PCTP: variants seen among roughly 807,000 people sequenced by gnomAD.
PCTP encodes START domain-containing protein 2.
Under a neutral mutation model 31.0 loss-of-function variants are expected in PCTP, and 27 were observed. That is an observed-to-expected ratio of 0.87 (90% confidence interval 0.64 to 1.20). The LOEUF is 1.20. PCTP is among the 50% of genes most tolerant of loss of function. PCTP has a pLI of 0.00. For synonymous variants in PCTP, 108 were observed against 101.2 expected, an observed-to-expected ratio of 1.07 and a Z score of -0.40; for missense variants, 287 against 268.2, an observed-to-expected ratio of 1.07 and a Z score of -0.49.
At chr17:55,844,946 G>A (rs752149315), downstream of PCTP, among the ~76,000 whole-genome samples, 2 of 151,678 alleles carry the variant, frequency 1.3e-5, no homozygotes, top group Non-Finnish European at 2.9e-5. Context: ...AATTAGCCGG[G>A]CTTGGTGGCA....
intron 3 of PCTP, among the ~76,000 whole-genome samples, chr17:55,793,860 C>T (rs1912090083): frequency 6.6e-6 from 1 of 152,050 alleles, no homozygotes; most frequent in Admixed American, 6.6e-5. Flanking sequence ...AAAAATGTAG[C>T]CTTAGAAGTT....
chr17:55,798,478 A>G (rs1289209015), intron 3 of PCTP, among the ~76,000 whole-genome samples: 1 of 152,022 alleles, frequency 6.6e-6, no homozygotes. Flanking sequence ...TATGAAGGGC[A>G]ACCAAAGGAA....
At chr17:55,791,000 G>A (rs979085462) in intron 3 of PCTP, among the ~76,000 whole-genome samples, 24 of 151,658 alleles carry the variant, frequency 1.6e-4, no homozygotes, top group Admixed American at 1.1e-3. Context: ...AAATAACGCC[G>A]CATATCTACA....
intron 5 of PCTP, among the ~76,000 whole-genome samples, chr17:55,838,297 T>G (rs1464843913): frequency 2.0e-5 from 3 of 152,236 alleles, no homozygotes; most frequent in Non-Finnish European, 2.9e-5. Flanking sequence ...TCAGCCGCAT[T>G]CATCTCTGCT....
intron 3 of PCTP, among the ~76,000 whole-genome samples, chr17:55,806,826 G>A (rs1383313557): frequency 6.6e-6 from 1 of 152,102 alleles, no homozygotes; most frequent in Admixed American, 6.6e-5. Context: ...TACAGAACAG[G>A]AAAATGTTGT....
chr17:55,802,763 C>T (rs1282410183), intron 3 of PCTP, among the ~76,000 whole-genome samples: 2 of 152,146 alleles, frequency 1.3e-5, no homozygotes, highest in South Asian at 2.1e-4. Context: ...CAATATCATA[C>T]TGAATGGGCA....
chr17:55,842,381 T>A (rs1266511549), intron 5 of PCTP, among the ~76,000 whole-genome samples: 1 of 152,254 alleles, frequency 6.6e-6, no homozygotes, highest in East Asian at 1.9e-4. Context: ...TTCCATTGCC[T>A]TATTTTCACT....
intron 2 of PCTP, among the ~76,000 whole-genome samples, chr17:55,783,347 T>G (rs752553417): frequency 2.0e-4 from 30 of 152,162 alleles, no homozygotes; most frequent in Non-Finnish European, 3.5e-4. Flanking sequence ...AGAAGATCTT[T>G]TCATTTGCAG....
chr17:55,798,379 A>AAAAC (rs1214110297), intron 3 of PCTP, among the ~76,000 whole-genome samples: 4 of 152,024 alleles, frequency 2.6e-5, no homozygotes, highest in Non-Finnish European at 5.9e-5. Context: ...AACACCAAGC[A>AAAAC]AAACAAACAA....
chr17:55,772,121 A>G (rs1426244342), intron 3 of PCTP, among the ~76,000 whole-genome samples: 1 of 152,210 alleles, frequency 6.6e-6, no homozygotes, highest in Non-Finnish European at 1.5e-5. Flanking sequence ...TGGGGGAGAG[A>G]GTGGAACAAT....
chr17:55,812,668 G>A (rs773195501), intron 3 of PCTP, among the ~76,000 whole-genome samples: 49 of 152,218 alleles, frequency 3.2e-4, no homozygotes, highest in Non-Finnish European at 6.2e-4. Flanking sequence ...ACTTAGGAAC[G>A]TTACACTCAC....
At chr17:55,779,285 T>A (rs1911474954), downstream of PCTP, among the ~76,000 whole-genome samples, 1 of 152,110 alleles carries the variant, frequency 6.6e-6, no homozygotes, top group Non-Finnish European at 1.5e-5. Context: ...TGCTGAAGGA[T>A]GATAAGTGCT....
intron 3 of PCTP, among the ~76,000 whole-genome samples, chr17:55,802,237 C>CA (rs910048660): frequency 2.6e-5 from 4 of 151,986 alleles, no homozygotes; most frequent in African/African-American, 4.8e-5. Flanking sequence ...GCCTACCAAC[C>CA]AAAAAAAGCT....
At chr17:55,849,378 T>A in the PCTP span, among the ~76,000 whole-genome samples, 2 of 152,132 alleles carry the variant, frequency 1.3e-5, no homozygotes, top group Non-Finnish European at 2.9e-5. Flanking sequence ...ATTCCAGCAC[T>A]TTGGGAGGCT....
At chr17:55,845,064 G>T (rs1906100052), downstream of PCTP, among the ~76,000 whole-genome samples, 1 of 111,738 alleles carries the variant, frequency 8.9e-6, no homozygotes, top group Non-Finnish European at 1.7e-5. Flanking sequence ...TCCAGCCTGG[G>T]CAACAAGGCC....
intron 1 of PCTP, among the ~76,000 whole-genome samples, chr17:55,760,206 G>T (rs1048795227): frequency 3.9e-5 from 6 of 152,248 alleles, no homozygotes; most frequent in African/African-American, 9.6e-5. Flanking sequence ...AAGTATTCAT[G>T]ATTAAGCCCA....
intron 3 of PCTP, among the ~76,000 whole-genome samples, chr17:55,814,657 C>G (rs1036188630): frequency 6.6e-6 from 1 of 152,216 alleles, no homozygotes; most frequent in African/African-American, 2.4e-5. Context: ...GGCAGCTTCC[C>G]GAAGCCAATG....
intron 3 of PCTP, among the ~76,000 whole-genome samples, chr17:55,816,965 C>A (rs1025335734): frequency 1.1e-4 from 17 of 152,058 alleles, no homozygotes; most frequent in Admixed American, 1.3e-4. Flanking sequence ...AATGAACTCC[C>A]CCGTCTGAGT....
downstream of PCTP, among the ~76,000 whole-genome samples, chr17:55,824,430 C>CAGTGCATGTCTCAAATTAATT (rs1180720665): frequency 1.3e-5 from 2 of 152,200 alleles, no homozygotes; most frequent in Admixed American, 6.5e-5. Context: ...TGTTCCATCT[C>CAGTGCATGTCTCAAATTAATT]AGTGCATGTC....
Sources: gnomAD v4.1 joint callset for allele counts (sites outside exome capture counted in the v4.1 genomes callset) on GRCh38, gnomAD v4.1.1 for gene constraint, MANE v1.5 for transcripts, NCBI Gene and HGNC (gene_info 2026-07-23, HGNC 2026-07-21) for gene names.